The following DDX10 variants were observed in gnomAD, a reference collection of about 807,000 sequenced individuals.
DDX10 encodes probable ATP-dependent RNA helicase DDX10.
In DDX10, 74 loss-of-function variants were observed where a neutral mutation model predicts 104.3. That is an observed-to-expected ratio of 0.71 (90% CI 0.59 to 0.86). The LOEUF is 0.86. Among genes scored for constraint, DDX10 ranks in the 40% least tolerant of loss-of-function variants. The pLI, the probability that DDX10 is intolerant of heterozygous loss-of-function variation, is 0.00. For synonymous variants in DDX10, 351 were observed against 353.4 expected (o/e 0.99, Z 0.08); for missense variants, 952 against 1,040.0 (o/e 0.92, Z 1.16).
chr11:108,747,905 A>G (rs549642540), intron 13 of DDX10, among the ~76,000 whole-genome samples: 6 of 152,272 alleles, frequency 3.9e-5, no homozygotes, highest in Admixed American at 1.3e-4. Flanking sequence ...CTTCCTAGGT[A>G]CAGTATGTCA....
intron 17 of DDX10, among the ~76,000 whole-genome samples, chr11:108,932,741 T>A (rs567526740): frequency 6.6e-6 from 1 of 152,132 alleles, no homozygotes; most frequent in South Asian, 2.1e-4. Context: ...GAGTTGAGAA[T>A]TTGCTTTTTG....
chr11:108,881,189 A>G (rs1863223255), intron 16 of DDX10, among the ~76,000 whole-genome samples: 1 of 152,208 alleles, frequency 6.6e-6, no homozygotes, highest in Non-Finnish European at 1.5e-5. Flanking sequence ...AAAAGCTTGT[A>G]GCTTAATGGT....
chr11:108,835,548 CAAAT>C (rs770961113), intron 13 of DDX10, among the ~76,000 whole-genome samples: 16 of 152,142 alleles, frequency 1.1e-4, no homozygotes, highest in Non-Finnish European at 1.8e-4. Context: ...CACAAAATAA[CAAAT>C]GAATGAAACA....
chr11:108,885,483 G>T (rs1055918415), intron 16 of DDX10, among the ~76,000 whole-genome samples: 1 of 151,058 alleles, frequency 6.6e-6, no homozygotes, highest in African/African-American at 2.4e-5. Context: ...TCAGACTCTC[G>T]AGTAGCTGGG....
chr11:108,857,426 A>G lies in DDX10; in HGVS notation c.2304+5217A>G, dbSNP rs1051529725. Reference sequence around the variant, plus strand: ...ATGAAGATTTTTCTGACTCTCTCACATATTATGGGCTCCTGCTTTTGGAAC... The same window carrying G: ...ATGAAGATTTTTCTGACTCTCTCACGTATTATGGGCTCCTGCTTTTGGAAC... On this transcript the variant is annotated intron_variant, in intron 16 of 17. Coordinates refer to ENST00000322536, the MANE Select transcript of DDX10 (RefSeq NM_004398.4). Among the ~76,000 whole-genome samples the G allele has an allele frequency of 3.4e-4, 52 of 152,184 alleles. 1 individual carries two copies. Among genetic ancestry groups the G allele is most frequent in the Admixed American group, 1.0e-3 (16 of 15,270 alleles).
At chr11:108,824,403 C>CCAAATGACCATGTGACA (rs1407658871) in intron 13 of DDX10, among the ~76,000 whole-genome samples, 1 of 152,154 alleles carries the variant, frequency 6.6e-6, no homozygotes, top group African/African-American at 2.4e-5. Flanking sequence ...ACCCTGTTAG[C>CCAAATGACCATGTGACA]CAAATGACCA....
At chr11:108,876,633 C>T (rs1863157431) in intron 16 of DDX10, among the ~76,000 whole-genome samples, 1 of 152,098 alleles carries the variant, frequency 6.6e-6, no homozygotes, top group Non-Finnish European at 1.5e-5. Flanking sequence ...TAAGTTTTTT[C>T]CTTTGTAAAG....
chr11:108,928,277 G>T (rs571362208), intron 17 of DDX10, among the ~76,000 whole-genome samples: 5 of 152,182 alleles, frequency 3.3e-5, no homozygotes, highest in Non-Finnish European at 7.3e-5. Context: ...CAGTGAATCA[G>T]TCTCTCTCCT....
At chr11:108,744,997 T>C (rs887222118) in intron 13 of DDX10, among the ~76,000 whole-genome samples, 8 of 151,356 alleles carry the variant, frequency 5.3e-5, no homozygotes, top group Admixed American at 3.9e-4. Context: ...CTATAGGAAA[T>C]AGCAAGGGCT....
At chr11:108,669,796 A>G (rs2094214702) in intron 1 of DDX10, among the ~76,000 whole-genome samples, 1 of 152,238 alleles carries the variant, frequency 6.6e-6, no homozygotes, top group Admixed American at 6.5e-5. Context: ...AGTCAGTGTC[A>G]GAATGACGTG....
At chr11:108,688,356 T>G (rs1170466245) in intron 6 of DDX10, among the ~76,000 whole-genome samples, 2 of 152,248 alleles carry the variant, frequency 1.3e-5, no homozygotes, top group Non-Finnish European at 2.9e-5. Flanking sequence ...ACCTAGATAC[T>G]ATCTAATGGT....
chr11:108,885,389 G>A (rs751336817), intron 16 of DDX10, among the ~76,000 whole-genome samples: 4 of 135,878 alleles, frequency 2.9e-5, no homozygotes, highest in East Asian at 2.1e-4. Context: ...ATGGAGTCTC[G>A]CACTCTCACC....
intron 13 of DDX10, 43 bp from the exon 14 acceptor site, chr11:108,838,403 C>T (rs763780726): frequency 1.3e-6 from 2 of 1,582,846 alleles, no homozygotes; most frequent in South Asian, 2.4e-5. Flanking sequence ...TATAAAGCAA[C>T]CATTTTCCTA....
chr11:108,871,557 G>A (rs1863082189), intron 16 of DDX10, among the ~76,000 whole-genome samples: 1 of 152,126 alleles, frequency 6.6e-6, no homozygotes, highest in East Asian at 1.9e-4. Context: ...ACAAATTTCA[G>A]CTCTGCTTCC....
intron 16 of DDX10, among the ~76,000 whole-genome samples, chr11:108,853,287 A>AT (rs1419917802): frequency 2.0e-5 from 3 of 152,186 alleles, no homozygotes; most frequent in Non-Finnish European, 4.4e-5. Context: ...AAAGATTTAA[A>AT]TTTAACAAGA....
chr11:108,897,687 CTTT>C (rs547208695), intron 16 of DDX10, among the ~76,000 whole-genome samples: 1 of 144,792 alleles, frequency 6.9e-6, no homozygotes. Context: ...CTGATTTCTG[CTTT>C]TTTTTTTTAA....
At chr11:108,696,423 C>A (rs575042760) in intron 9 of DDX10, among the ~76,000 whole-genome samples, 1 of 152,044 alleles carries the variant, frequency 6.6e-6, no homozygotes, top group African/African-American at 2.4e-5. Context: ...GTGATCCGCC[C>A]GCCTCAGCCT....
chr11:108,851,277 A>G (rs543066288), intron 15 of DDX10, among the ~76,000 whole-genome samples: 7 of 152,198 alleles, frequency 4.6e-5, no homozygotes, highest in Non-Finnish European at 1.0e-4. Flanking sequence ...TCCACAAGCT[A>G]AAGCCAGCTC....
At chr11:108,817,360 T>G (rs1345341607) in intron 13 of DDX10, among the ~76,000 whole-genome samples, 2 of 152,130 alleles carry the variant, frequency 1.3e-5, no homozygotes, top group Non-Finnish European at 2.9e-5. Flanking sequence ...TCATTTCCAT[T>G]TATGTGCCTT....
Sources: gnomAD v4.1 joint callset for allele counts (sites outside exome capture counted in the v4.1 genomes callset) on GRCh38, gnomAD v4.1.1 for gene constraint, MANE v1.5 for transcripts, NCBI Gene and HGNC (gene_info 2026-07-23, HGNC 2026-07-21) for gene names.